LPAR3: variants seen among roughly 807,000 people sequenced by gnomAD.
LPAR3 encodes the protein LPA receptor 3.
In LPAR3, 7 loss-of-function variants were observed where a neutral mutation model predicts 17.8. The ratio of observed to expected loss-of-function variants is 0.39; its 90% CI spans 0.22 to 0.74. LPAR3 has a LOEUF of 0.74. Among genes scored for constraint, LPAR3 ranks in the 30% least tolerant of loss-of-function variants. The pLI is 0.40. For synonymous variants in LPAR3, 179 were observed against 179.9 expected, an observed-to-expected ratio of 0.99 and a Z score of 0.04; for missense variants, 391 against 453.4, an observed-to-expected ratio of 0.86 and a Z score of 1.25.
At chr1:84,832,701 A>G (rs116535758) in intron 2 of LPAR3, among the ~76,000 whole-genome samples, 2,057 of 151,332 alleles carry the variant, frequency 0.014, 54 homozygotes, top group African/African-American at 0.045. Flanking sequence ...AAGCTGGGTC[A>G]CCTTCCAGTG....
At chr1:84,866,877 C>T (rs936949880) in intron 1 of LPAR3, among the ~76,000 whole-genome samples, 2 of 152,180 alleles carry the variant, frequency 1.3e-5, no homozygotes, top group African/African-American at 4.8e-5. Context: ...TCCTTATAGT[C>T]TCCTAACCCA....
intron 2 of LPAR3, among the ~76,000 whole-genome samples, chr1:84,831,463 A>G (rs1659281364): frequency 6.6e-6 from 1 of 152,178 alleles, no homozygotes; most frequent in Admixed American, 6.5e-5. Context: ...CTCTAAAAAA[A>G]TAAAATAAGC....
chr1:84,887,554 G>A (rs1397641846), intron 1 of LPAR3, among the ~76,000 whole-genome samples: 1 of 152,044 alleles, frequency 6.6e-6, no homozygotes, highest in Non-Finnish European at 1.5e-5. Flanking sequence ...AACACCTTTG[G>A]GGAAACAAAG....
chr1:84,823,260 T>C (rs930581167), intron 2 of LPAR3, among the ~76,000 whole-genome samples: 1 of 152,324 alleles, frequency 6.6e-6, no homozygotes, highest in East Asian at 1.9e-4. Context: ...CATTAAAGAA[T>C]TTGTTTAACA....
At chr1:84,816,288 A>C (rs1355605910) in intron 2 of LPAR3, among the ~76,000 whole-genome samples, 1 of 152,232 alleles carries the variant, frequency 6.6e-6, no homozygotes, top group Non-Finnish European at 1.5e-5. Flanking sequence ...GAAACAAACA[A>C]GTCAAATTTG....
intron 2 of LPAR3, among the ~76,000 whole-genome samples, chr1:84,831,095 C>A (rs560704434): frequency 3.3e-5 from 5 of 152,268 alleles, no homozygotes; most frequent in Non-Finnish European, 5.9e-5. Flanking sequence ...AAAAAAAATT[C>A]TTGGCCAGTT....
intron 2 of LPAR3, among the ~76,000 whole-genome samples, chr1:84,818,533 G>A (rs776575011): frequency 2.0e-5 from 3 of 152,104 alleles, no homozygotes; most frequent in Admixed American, 6.5e-5. Flanking sequence ...TGCCAGGGGG[G>A]TGTATTATAT....
chr1:84,852,078 G>T (rs1659725380), intron 2 of LPAR3, among the ~76,000 whole-genome samples: 1 of 146,126 alleles, frequency 6.8e-6, no homozygotes, highest in Admixed American at 6.8e-5. Context: ...TTGAGTTGGA[G>T]TCTCGCTCTG....
At chr1:84,858,772 C>T (rs551850140) in intron 2 of LPAR3, among the ~76,000 whole-genome samples, 1 of 152,266 alleles carries the variant, frequency 6.6e-6, no homozygotes, top group South Asian at 2.1e-4. Flanking sequence ...GGTACAGTCC[C>T]TGACTTCGAA....
rs1001379186 is a variant in LPAR3, at chr1:84,813,684, C to A, written c.*162G>T. The stretch of plus-strand genomic sequence containing the variant: ...AATGCAGCAGGTCCTCTCTTTACTG[C>A]CCATGCTTTTAAACTATGAAAAAAA... On this transcript the variant is annotated 3_prime_UTR_variant, in exon 3 of 3. Coordinates refer to ENST00000370611, the MANE Select transcript of LPAR3 (RefSeq NM_012152.3). The A allele has an allele frequency of 6.6e-6, 4 of 605,254 alleles. No individual in the cohort carries two copies. In the Admixed American group the frequency reaches 1.2e-4, roughly 18 times the overall value. 37.5% of individuals were successfully genotyped at this position (605,254 alleles called of 1,614,324 possible).
intron 1 of LPAR3, among the ~76,000 whole-genome samples, chr1:84,875,482 A>G (rs1282813900): frequency 6.6e-6 from 1 of 152,198 alleles, no homozygotes; most frequent in African/African-American, 2.4e-5. Context: ...GGCTCCTGAT[A>G]AAAAAGAATG....
chr1:84,838,814 C>G (rs539884921), intron 2 of LPAR3, among the ~76,000 whole-genome samples: 1 of 152,144 alleles, frequency 6.6e-6, no homozygotes, highest in East Asian at 1.9e-4. Flanking sequence ...CCCGACTGAC[C>G]CGCCCACCTC....
chr1:84,833,790 T>C (rs1231072334), intron 2 of LPAR3, among the ~76,000 whole-genome samples: 5 of 152,206 alleles, frequency 3.3e-5, no homozygotes, highest in Admixed American at 2.0e-4. Flanking sequence ...TGGCTTATGA[T>C]ACCTAAAGTG....
At chr1:84,847,717 T>C (rs1465796928) in intron 2 of LPAR3, among the ~76,000 whole-genome samples, 1 of 152,218 alleles carries the variant, frequency 6.6e-6, no homozygotes, top group African/African-American at 2.4e-5. Context: ...CCTCAACTCC[T>C]GTCAGTCTTT....
chr1:84,842,562 GATAAA>G (rs987891128), intron 2 of LPAR3, among the ~76,000 whole-genome samples: 104 of 152,218 alleles, frequency 6.8e-4, no homozygotes, highest in African/African-American at 2.3e-3. Flanking sequence ...TTTTCATTTT[GATAAA>G]ATAAAAAGTA....
At chr1:84,866,933 C>T (rs544111372) in intron 1 of LPAR3, among the ~76,000 whole-genome samples, 32 of 152,318 alleles carry the variant, frequency 2.1e-4, no homozygotes, top group African/African-American at 7.5e-4. Context: ...CAGCATTCCT[C>T]AACACGGCAG....
chr1:84,834,359 C>A (rs1281222160), intron 2 of LPAR3, among the ~76,000 whole-genome samples: 1 of 152,148 alleles, frequency 6.6e-6, no homozygotes, highest in Non-Finnish European at 1.5e-5. Context: ...TGCAAGAAGA[C>A]CTTTAAATAC....
chr1:84,813,909 T>C lies in LPAR3; in HGVS notation c.999A>G (p.Thr333=), dbSNP rs760601230. The C allele has an allele frequency of 1.9e-6, 3 of 1,614,176 alleles. No homozygotes were observed. The highest frequency in any genetic ancestry group is 2.5e-6 in the Non-Finnish European group (3 of 1,180,016). ...IPSTVLSRSD[T]GSQYIEDSIS... Reference sequence around the variant, plus strand: ...TACTATCCTCTATGTACTGGCTGCCTGTGTCACTCCTGCTGAGGACTGTGG... The same window carrying C: ...TACTATCCTCTATGTACTGGCTGCCCGTGTCACTCCTGCTGAGGACTGTGG... The change falls in exon 3 of 3, where the codon ACA becomes ACG. Residue 333 remains threonine (T), a synonymous_variant. Coordinates refer to ENST00000370611, the MANE Select transcript of LPAR3 (RefSeq NM_012152.3).
chr1:84,837,349 A>G (rs769036827), intron 2 of LPAR3, among the ~76,000 whole-genome samples: 1 of 152,226 alleles, frequency 6.6e-6, no homozygotes, highest in Non-Finnish European at 1.5e-5. Flanking sequence ...CACACTTGAT[A>G]TAAATATCAC....
Sources: allele counts gnomAD v4.1 joint callset (sites outside exome capture counted in the v4.1 genomes callset), GRCh38; gene constraint gnomAD v4.1.1; transcripts MANE v1.5; gene names NCBI Gene and HGNC (gene_info 2026-07-23, HGNC 2026-07-21).